PABPC4L: variants seen among roughly 807,000 people sequenced by gnomAD.
The protein encoded by PABPC4L is polyadenylate-binding protein 4-like.
For missense variants in PABPC4L, 452 were observed against 451.4 expected, an observed-to-expected ratio of 1.00 and a Z score of -0.01; for synonymous variants, 169 against 164.1, an observed-to-expected ratio of 1.03 and a Z score of -0.23.
chr4:134,162,510 A>G, the PABPC4L span, among the ~76,000 whole-genome samples: 3 of 151,818 alleles, frequency 2.0e-5, no homozygotes, highest in Non-Finnish European at 4.4e-5. Flanking sequence ...TCTAGAACAA[A>G]CAGAACTAAC....
At chr4:134,054,403 C>T in the PABPC4L span, among the ~76,000 whole-genome samples, 3 of 150,648 alleles carry the variant, frequency 2.0e-5, no homozygotes, top group Non-Finnish European at 4.4e-5. Context: ...GTATCCTTTA[C>T]ATAATTTCCA....
At chr4:134,184,838 T>C in the PABPC4L span, among the ~76,000 whole-genome samples, 3 of 152,014 alleles carry the variant, frequency 2.0e-5, no homozygotes, top group South Asian at 4.1e-4. Context: ...TTGTTATACA[T>C]CCCTTTTGGA....
the PABPC4L span, among the ~76,000 whole-genome samples, chr4:134,056,648 A>G: frequency 6.6e-6 from 1 of 151,948 alleles, no homozygotes; most frequent in African/African-American, 2.4e-5. Context: ...CTAATGATTG[A>G]AAATCTTATT....
At chr4:133,970,754 T>C in the PABPC4L span, among the ~76,000 whole-genome samples, 1 of 152,128 alleles carries the variant, frequency 6.6e-6, no homozygotes, top group South Asian at 2.1e-4. Context: ...ACAGCTCTTC[T>C]GATGAGATTA....
At chr4:133,959,157 A>C in the PABPC4L span, among the ~76,000 whole-genome samples, 1 of 131,190 alleles carries the variant, frequency 7.6e-6, no homozygotes, top group East Asian at 2.9e-4. Context: ...CATTCAGCAA[A>C]ATTTCTTTAA....
the PABPC4L span, among the ~76,000 whole-genome samples, chr4:134,159,325 G>A: frequency 6.6e-6 from 1 of 151,998 alleles, no homozygotes; most frequent in Admixed American, 6.6e-5. Flanking sequence ...GCAAGAAATC[G>A]CCTTCATAGG....
chr4:133,992,017 A>C, the PABPC4L span, among the ~76,000 whole-genome samples: 1 of 152,190 alleles, frequency 6.6e-6, no homozygotes, highest in Admixed American at 6.5e-5. Flanking sequence ...GATATGTCCC[A>C]TGCCAGGTAT....
chr4:133,991,718 G>A, the PABPC4L span, among the ~76,000 whole-genome samples: 1 of 152,146 alleles, frequency 6.6e-6, no homozygotes, highest in South Asian at 2.1e-4. Context: ...TTCTAAGGTG[G>A]CAAGAGCAGA....
chr4:134,054,968 G>A, the PABPC4L span, among the ~76,000 whole-genome samples: 3 of 152,004 alleles, frequency 2.0e-5, no homozygotes, highest in African/African-American at 4.8e-5. Flanking sequence ...ATAGTGGCTA[G>A]ACCATTTTAC....
the PABPC4L span, among the ~76,000 whole-genome samples, chr4:134,029,293 T>C: frequency 6.6e-6 from 1 of 152,034 alleles, no homozygotes; most frequent in Non-Finnish European, 1.5e-5. Context: ...CAAGAAGGTC[T>C]GGGAAGATGC....
rs1268330339 is a variant in PABPC4L, at chr4:134,200,793, A to G, written c.227T>C (p.Ile76Thr). 6.4e-7 allele frequency: 1 copy of G among 1,551,852 alleles called. No homozygotes were observed. The highest frequency in any genetic ancestry group is 1.4e-5 in the African/African-American group (1 of 73,040). Residue 76 changes from isoleucine (I) to threonine (T), a missense_variant, in exon 2 of 2, where the codon ATA becomes ACA. Physicochemically the swap from Ile to Thr is moderately conservative, Grantham distance 89. Transcript: ENST00000421491. The part of the protein sequence containing the change: ...KALDTMNFDI[I>T]KGKSIRLMWS... The stretch of plus-strand genomic sequence containing the variant: ...CATGAGACGGATGGATTTGCCTTTT[A>G]TGATGTCAAAGTTCATTGTGTCCAG...
the PABPC4L span, among the ~76,000 whole-genome samples, chr4:134,042,411 C>A: frequency 6.6e-6 from 1 of 152,074 alleles, no homozygotes; most frequent in Non-Finnish European, 1.5e-5. Context: ...ATCCTTGTAA[C>A]TGAAAAACCA....
the PABPC4L span, among the ~76,000 whole-genome samples, chr4:134,094,728 T>C: frequency 6.6e-6 from 1 of 151,658 alleles, no homozygotes; most frequent in African/African-American, 2.4e-5. Flanking sequence ...CAAAATAATA[T>C]TAAAGGTAGC....
the PABPC4L span, among the ~76,000 whole-genome samples, chr4:133,998,172 TTA>T: frequency 1.3e-5 from 2 of 151,724 alleles, no homozygotes; most frequent in African/African-American, 4.8e-5. Flanking sequence ...ATGGTTATAA[TTA>T]TATTCTCTAT....
chr4:133,990,618 T>C, the PABPC4L span, among the ~76,000 whole-genome samples: 5 of 152,136 alleles, frequency 3.3e-5, no homozygotes, highest in Non-Finnish European at 7.4e-5. Context: ...CCAATGAGAA[T>C]GCAGCAGCAG....
the PABPC4L span, among the ~76,000 whole-genome samples, chr4:134,158,470 A>G: frequency 3.7e-4 from 57 of 152,180 alleles, no homozygotes; most frequent in Non-Finnish European, 6.0e-4. Context: ...CTACCTTTAC[A>G]CTAGAAGGTA....
chr4:134,142,884 C>T, the PABPC4L span, among the ~76,000 whole-genome samples: 3 of 151,594 alleles, frequency 2.0e-5, no homozygotes, highest in Admixed American at 6.6e-5. Flanking sequence ...TTTGCAATAG[C>T]ACTTAACGTA....
chr4:134,163,737 C>T, the PABPC4L span, among the ~76,000 whole-genome samples: 7 of 152,060 alleles, frequency 4.6e-5, no homozygotes, highest in African/African-American at 1.2e-4. Flanking sequence ...GAATTTAAAA[C>T]GAAAGTCATA....
At chr4:134,024,700 G>A in the PABPC4L span, among the ~76,000 whole-genome samples, 2,429 of 151,458 alleles carry the variant, frequency 0.016, 63 homozygotes, top group African/African-American at 0.054. Flanking sequence ...TTCATAACAC[G>A]ATTTACATCC....
Sources: gnomAD v4.1 joint callset for allele counts (sites outside exome capture counted in the v4.1 genomes callset) on GRCh38, gnomAD v4.1.1 for gene constraint, MANE v1.5 for transcripts, NCBI Gene and HGNC (gene_info 2026-07-23, HGNC 2026-07-21) for gene names.